Variants in PLG observed in about 807,000 individuals in gnomAD.
PLG encodes the protein plasmin.
A neutral mutation model predicts 104.4 loss-of-function variants in PLG; 41 were observed. The ratio of observed to expected loss-of-function variants is 0.39; its 90% CI spans 0.31 to 0.51. The LOEUF is 0.51. Among genes scored for constraint, PLG ranks in the 20% least tolerant of loss-of-function variants. The pLI is 0.76. For missense variants in PLG, 891 were observed against 1,003.6 expected (o/e 0.89, Z 1.52); for synonymous variants, 337 against 357.1 (o/e 0.94, Z 0.63).
chr6:160,702,801 G>C (rs1777443926), intron 1 of PLG, among the ~76,000 whole-genome samples: 1 of 152,176 alleles, frequency 6.6e-6, no homozygotes. Context: ...GTGGCGGCAG[G>C]GTCGGGGACT....
At chr6:160,751,281 A>C (rs1175981043) in intron 17 of PLG, among the ~76,000 whole-genome samples, 1 of 152,180 alleles carries the variant, frequency 6.6e-6, no homozygotes, top group Non-Finnish European at 1.5e-5. Flanking sequence ...GCCAACACGC[A>C]TGGGGAGGAA....
intron 9 of PLG, among the ~76,000 whole-genome samples, 164 bp from the exon 10 acceptor site, chr6:160,722,244 T>C (rs529806906): frequency 2.0e-5 from 3 of 152,362 alleles, no homozygotes; most frequent in Admixed American, 1.3e-4. Context: ...CTTATTAATG[T>C]TCTAAAATGC....
chr6:160,706,086 C>CAA, intron 1 of PLG: 1 of 366,146 alleles, frequency 2.7e-6, no homozygotes, highest in South Asian at 3.0e-5. Context: ...TGACACTGAG[C>CAA]TTTGGGGTAC....
chr6:160,730,154 TC>T (rs373215131), intron 10 of PLG, among the ~76,000 whole-genome samples: 4 of 152,210 alleles, frequency 2.6e-5, no homozygotes, highest in African/African-American at 4.8e-5. Context: ...TTCTCCAAGA[TC>T]CCCCCCAGCC....
At chr6:160,703,315 C>A (rs1186092231) in intron 1 of PLG, among the ~76,000 whole-genome samples, 1 of 151,446 alleles carries the variant, frequency 6.6e-6, no homozygotes, top group Admixed American at 6.6e-5. Flanking sequence ...ATAGAATTCA[C>A]CCATTTAGGC....
intron 1 of PLG, among the ~76,000 whole-genome samples, chr6:160,703,740 A>G (rs1368669836): frequency 6.6e-6 from 1 of 152,258 alleles, no homozygotes; most frequent in African/African-American, 2.4e-5. Context: ...TTATATTTCA[A>G]TGCATGGAAA....
Position 160,723,140 on chromosome 6 carries a change from T to A in PLG, c.1256+573T>A, listed in dbSNP as rs896565903. Among the ~76,000 whole-genome samples the A allele has an allele frequency of 6.6e-6, 1 of 150,718 alleles. No homozygotes were observed. Among genetic ancestry groups the A allele is most frequent in the Non-Finnish European group, 1.5e-5 (1 of 67,824 alleles). ...ATGTGTGTATATATATGTACACATA[T>A]ATGTGTGTATATTAGAATATATATA... is the stretch of plus-strand genomic sequence containing the variant. On this transcript the variant is annotated intron_variant, in intron 10 of 18. Coordinates refer to ENST00000308192, the MANE Select transcript of PLG (RefSeq NM_000301.5). This position sits in a 1 kb window ranked among gnomAD's most constrained non-coding sequence, Gnocchi z 4.7.
chr6:160,710,808 G>T (rs1777625554), intron 3 of PLG, among the ~76,000 whole-genome samples: 2 of 152,250 alleles, frequency 1.3e-5, no homozygotes, highest in South Asian at 4.1e-4. Flanking sequence ...CTCCATGACG[G>T]CCAAGCCTCT....
chr6:160,741,513 T>A lies in PLG; in HGVS notation c.2125+96T>A. The A allele has an allele frequency of 1.2e-6, 1 of 830,790 alleles. No homozygotes were observed. The highest frequency in any genetic ancestry group is 2.1e-6 in the Non-Finnish European group (1 of 485,018). The allele number at this position is 830,790 out of a possible 1,614,324, so 51.5% of individuals were successfully genotyped here. On this transcript the variant is annotated intron_variant, in intron 17 of 18. Coordinates refer to ENST00000308192, the MANE Select transcript of PLG (RefSeq NM_000301.5). This position sits in a 1 kb window ranked among gnomAD's most constrained non-coding sequence, Gnocchi z 4.7. ...TTGGAGAAAGCTGTGCAAATTCCTA[T>A]CCATGAATGTGGTCCACCCCACTCC...
In PLG at chr6:160,741,442, T is replaced by A; in HGVS notation, c.2125+25T>A. On this transcript the variant is annotated intron_variant, in intron 17 of 18. Coordinates refer to ENST00000308192, the MANE Select transcript of PLG (RefSeq NM_000301.5). The surrounding 1 kb of genome is among the most constrained non-coding windows in gnomAD (Gnocchi z 4.7). ...GGTGAGATAAATTCCATTGCCCACA[T>A]AACGAATTGGTTTTGACCTACAGTC... 7.2e-7 allele frequency: 1 copy of A among 1,394,826 alleles called. No individual in the cohort carries two copies. Among genetic ancestry groups the A allele is most frequent in the East Asian group, 2.3e-5 (1 of 43,858 alleles). 86.4% of individuals were successfully genotyped at this position (1,394,826 alleles called of 1,614,324 possible). A position where few individuals can be genotyped will look rare whatever the true frequency, so the allele number is the denominator to read the frequency against.
chr6:160,748,417 G>GAAAAGAAAGAAAGGGAAA, intron 17 of PLG, among the ~76,000 whole-genome samples: 1 of 62,370 alleles, frequency 1.6e-5, no homozygotes, highest in South Asian at 7.2e-4. Flanking sequence ...AGAAAGAAAG[G>GAAAAGAAAGAAAGGGAAA]GAAAGAAAGA....
At chr6:160,710,115 A>C (rs3896580) in intron 3 of PLG, among the ~76,000 whole-genome samples, 1 of 152,170 alleles carries the variant, frequency 6.6e-6, no homozygotes. Flanking sequence ...AATCAATCTG[A>C]ATGTGTAAAA....
In PLG at chr6:160,752,790, C is replaced by G. The variant is rs1778427899; in HGVS notation, c.2272-110C>G. ...GAGTAATATGCTCATAAGTTCCTTTCTGATTTCAATTACTGGGAAAATGTA... is the reference window on the plus strand; with the variant it reads ...GAGTAATATGCTCATAAGTTCCTTTGTGATTTCAATTACTGGGAAAATGTA... On this transcript the variant is annotated intron_variant, in intron 18 of 18. Coordinates refer to ENST00000308192, the MANE Select transcript of PLG (RefSeq NM_000301.5). This position sits in a 1 kb window ranked among gnomAD's most constrained non-coding sequence, Gnocchi z 4.7. 7.5e-7 allele frequency: 1 copy of G among 1,334,356 alleles called. No homozygotes were observed. The highest frequency in any genetic ancestry group is 1.4e-5 in the African/African-American group (1 of 69,372). 82.7% of individuals were successfully genotyped at this position (1,334,356 alleles called of 1,614,324 possible). A position where few individuals can be genotyped will look rare whatever the true frequency, so the allele number is the denominator to read the frequency against.
At position 160,726,721 on chromosome 6, in the gene PLG, G is replaced by A. The variant is rs1261633422; in HGVS notation, c.1256+4154G>A. 6.6e-6 allele frequency among the ~76,000 whole-genome samples: 1 copy of A among 151,848 alleles called. No individual in the cohort carries two copies. The stretch of plus-strand genomic sequence containing the variant: ...AATAAAATGTGTGATTGTCTATTAT[G>A]TTTAAAAACATTCTCAGTTTTGGAT... On this transcript the variant is annotated intron_variant, in intron 10 of 18. Coordinates refer to ENST00000308192, the MANE Select transcript of PLG (RefSeq NM_000301.5). This position sits in a 1 kb window ranked among gnomAD's most constrained non-coding sequence, Gnocchi z 4.4.
At position 160,738,712 on chromosome 6, in the gene PLG, C is replaced by A; in HGVS notation, c.1877+100C>A. ...TTTCCTTTCTCACTCTTCCTCCCTTCCTTCTCTGGCTGTGACACTAGGGAC... is the reference window on the plus strand; with the variant it reads ...TTTCCTTTCTCACTCTTCCTCCCTTACTTCTCTGGCTGTGACACTAGGGAC... On this transcript the variant is annotated intron_variant, in intron 15 of 18. Coordinates refer to ENST00000308192, the MANE Select transcript of PLG (RefSeq NM_000301.5). The surrounding 1 kb of genome is among the most constrained non-coding windows in gnomAD (Gnocchi z 6.8). The A allele has an allele frequency of 1.1e-6, 1 of 870,814 alleles. No homozygotes were observed. Among genetic ancestry groups the A allele is most frequent in the South Asian group, 1.4e-5 (1 of 73,754 alleles). 53.9% of individuals were successfully genotyped at this position (870,814 alleles called of 1,614,324 possible). A position where few individuals can be genotyped will look rare whatever the true frequency, so the allele number is the denominator to read the frequency against.
intron 3 of PLG, chr6:160,708,068 G>C (rs535312072): frequency 2.8e-6 from 1 of 351,374 alleles, no homozygotes; most frequent in South Asian, 3.4e-5. Context: ...CTATGACCCT[G>C]AAAATAAGAT....
chr6:160,716,043 G>GT (rs1348854934), intron 6 of PLG, among the ~76,000 whole-genome samples: 1 of 152,230 alleles, frequency 6.6e-6, no homozygotes, highest in Non-Finnish European at 1.5e-5. Flanking sequence ...TCTCCTCTTG[G>GT]TTTTTCTAAG....
chr6:160,738,334 T>A lies in PLG; in HGVS notation c.1803-204T>A. Reference sequence around the variant, plus strand: ...GTGCCTCCCCCAAGCATCGGAAAAATTGGCATAGATGGGCCCTTCTCAAAA... The same window carrying A: ...GTGCCTCCCCCAAGCATCGGAAAAAATGGCATAGATGGGCCCTTCTCAAAA... On this transcript the variant is annotated intron_variant, in intron 14 of 18. Coordinates refer to ENST00000308192, the MANE Select transcript of PLG (RefSeq NM_000301.5). The surrounding 1 kb of genome is among the most constrained non-coding windows in gnomAD (Gnocchi z 6.8). The A allele has an allele frequency of 3.4e-6, 2 of 580,184 alleles. No homozygotes were observed. Among genetic ancestry groups the A allele is most frequent in the Non-Finnish European group, 3.2e-6 (1 of 315,786 alleles). 35.9% of individuals were successfully genotyped at this position (580,184 alleles called of 1,614,324 possible).
chr6:160,713,491 A>C, intron 5 of PLG: 1 of 263,934 alleles, frequency 3.8e-6, no homozygotes. Flanking sequence ...CTGGTCTTGA[A>C]CTCTCGACCT....
Sources: gnomAD v4.1 joint callset for allele counts (sites outside exome capture counted in the v4.1 genomes callset) on GRCh38, gnomAD v4.1.1 for gene constraint, Gnocchi (gnomAD v3.1) non-coding constraint, MANE v1.5 for transcripts, NCBI Gene and HGNC (gene_info 2026-07-23, HGNC 2026-07-21) for gene names.